NDUFC1: variants seen among roughly 807,000 people sequenced by gnomAD.
NDUFC1 encodes NADH dehydrogenase [ubiquinone] 1 subunit C1, mitochondrial.
Under a neutral mutation model 11.6 loss-of-function variants are expected in NDUFC1, and 11 were observed. The ratio of observed to expected loss-of-function variants is 0.95; its 90% CI spans 0.60 to 1.58. The LOEUF is 1.58. Ranked by LOEUF, NDUFC1 falls within the 40% of genes most tolerant of loss-of-function variation. The pLI, the probability that NDUFC1 is intolerant of heterozygous loss-of-function variation, is 0.00. For missense variants in NDUFC1, 112 were observed against 93.0 expected (o/e 1.20, Z -0.84); for synonymous variants, 52 against 42.2 (o/e 1.23, Z -0.90).
At chr4:139,299,491 C>T (rs1745613619) in intron 1 of NDUFC1, among the ~76,000 whole-genome samples, 1 of 152,176 alleles carries the variant, frequency 6.6e-6, no homozygotes, top group Admixed American at 6.5e-5. Flanking sequence ...AATTAACTAT[C>T]ATCAGCAGCA....
At chr4:139,294,961 A>T (rs1194942224) in intron 4 of NDUFC1, 82 bp downstream of exon 4, 3 of 992,236 alleles carry the variant, frequency 3.0e-6, no homozygotes, top group Non-Finnish European at 4.8e-6. Context: ...AACATATAAC[A>T]GCACCATTCA....
chr4:139,301,940 GC>G, intron 1 of NDUFC1: 1 of 1,187,472 alleles, frequency 8.4e-7, no homozygotes, highest in Non-Finnish European at 1.2e-6. Context: ...CCGGGACCCC[GC>G]CTTCATAGCT....
rs754569446 is a variant in NDUFC1 at position 139,295,076 on chromosome 4, G to A, written c.138C>T (p.Phe46=). 6.2e-7 allele frequency: 1 copy of A among 1,614,146 alleles called. No individual in the cohort carries two copies. Among genetic ancestry groups the A allele is most frequent in the Admixed American group, 1.7e-5 (1 of 60,010 alleles). Residue 46 remains phenylalanine, a synonymous_variant, in exon 4 of 6, where the codon TTC becomes TTT. Coordinates refer to ENST00000394223, the MANE Select transcript of NDUFC1 (RefSeq NM_001184989.2). ...NAKPDWLKVG[F]TLGTTVFLWI... ...ACAAGAAGACAGTGGTGCCCAAGGT[G>A]AACCCAACTTTCAGCCAGTCAGGTT...
intron 1 of NDUFC1, chr4:139,300,514 A>C (rs1745665203): frequency 6.6e-6 from 1 of 152,284 alleles, no homozygotes; most frequent in African/African-American, 2.4e-5. Context: ...CAAAGGTTAA[A>C]AGTGGCTCAT....
At chr4:139,298,677 CTT>C (rs35024958) in intron 1 of NDUFC1, among the ~76,000 whole-genome samples, 10 of 144,280 alleles carry the variant, frequency 6.9e-5, no homozygotes, top group African/African-American at 7.6e-5. Context: ...CTTTTATATT[CTT>C]TTTTTTTTTT....
Position 139,291,981 on chromosome 4 carries a change from C to T in NDUFC1, c.*20+549G>A, listed in dbSNP as rs144848999. Among the ~76,000 whole-genome samples, 1,023 of 151,722 alleles carry T rather than the reference C, an allele frequency of 6.7e-3. 9 individuals carry two copies. The highest frequency in any genetic ancestry group is 0.024 in the African/African-American group (983 of 41,450). On this transcript the variant is annotated intron_variant, in intron 5 of 5. Transcript: ENST00000394223. Reference sequence around the variant, plus strand: ...CCTCGCGAGTAGCTGAGACTACAGGCGCCCGCCACAACACCTGGCTAATTT... The same window carrying T: ...CCTCGCGAGTAGCTGAGACTACAGGTGCCCGCCACAACACCTGGCTAATTT...
At chr4:139,293,930 ATTTTTTTTTTTTT>A (rs775805536) in intron 4 of NDUFC1, among the ~76,000 whole-genome samples, 68 of 69,756 alleles carry the variant, frequency 9.7e-4, no homozygotes, top group African/African-American at 4.1e-3. Context: ...TGTGGTGTGA[ATTTTTTTTTTTTT>A]TTTTTTTTTT....
rs566282004 is a variant in NDUFC1 at position 139,301,552 on chromosome 4, G to A, written c.-222+864C>T. 9 of 578,746 alleles carry A rather than the reference G, an allele frequency of 1.6e-5. No homozygotes were observed. The South Asian group carries it at 1.7e-4, about 11-fold the overall frequency. 35.9% of individuals were successfully genotyped at this position (578,746 alleles called of 1,614,324 possible). On this transcript the variant is annotated intron_variant, in intron 1 of 5. Transcript: ENST00000394223. ...AGTTACCACGTGAACCGCCGACGGAGACCCGTAGTGGGGGAGGCGGCGGCA... is the reference window on the plus strand; with the variant it reads ...AGTTACCACGTGAACCGCCGACGGAAACCCGTAGTGGGGGAGGCGGCGGCA...
At chr4:139,291,466 T>C (rs1226778610) in intron 5 of NDUFC1, among the ~76,000 whole-genome samples, 1 of 151,894 alleles carries the variant, frequency 6.6e-6, no homozygotes, top group African/African-American at 2.4e-5. Flanking sequence ...TCCCAGCTAC[T>C]CGAGAGGCTG....
Position 139,295,745 on chromosome 4 carries a change from C to T in NDUFC1, c.54G>A (p.Arg18=). ...GAGGATACTCACGGCCGCTCGGGAG[C>T]CTGGCGGGGGCCAGCAGCCGGGAAA... The part of the protein sequence containing the change: ...RPLSRLLAPA[R]LPSGPSVRSK... Residue 18 remains arginine (R), a synonymous_variant, in exon 3 of 6, where the codon AGG becomes AGA. Transcript: ENST00000394223. 6.5e-7 allele frequency: 1 copy of T among 1,547,926 alleles called. No individual in the cohort carries two copies. Among genetic ancestry groups the T allele is most frequent in the Non-Finnish European group, 8.7e-7 (1 of 1,147,340 alleles).
rs765242883 is a variant in NDUFC1, at chr4:139,292,612, A to C, written c.172-3T>G. 2.0e-6 allele frequency: 3 copies of C among 1,536,966 alleles called. No individual in the cohort carries two copies. Among genetic ancestry groups the C allele is most frequent in the Non-Finnish European group, 2.7e-6 (3 of 1,121,548 alleles). The stretch of plus-strand genomic sequence containing the variant: ...TCTTCATTGTGTTGTTTGATGAGCT[A>C]CAAAGAGTTAAACAGTTAAAATTAG... On this transcript the variant is annotated splice_polypyrimidine_tract_variant and splice_region_variant and intron_variant, in intron 4 of 5. Coordinates refer to ENST00000394223, the MANE Select transcript of NDUFC1 (RefSeq NM_001184989.2).
intron 1 of NDUFC1, among the ~76,000 whole-genome samples, chr4:139,300,420 A>G (rs2110791280): frequency 6.6e-6 from 1 of 152,344 alleles, no homozygotes; most frequent in South Asian, 2.1e-4. Flanking sequence ...AAACAGTAAA[A>G]AACACGCACA....
intron 5 of NDUFC1, among the ~76,000 whole-genome samples, chr4:139,290,300 C>T (rs1007836083): frequency 6.7e-6 from 1 of 149,848 alleles, no homozygotes; most frequent in African/African-American, 2.5e-5. Context: ...ATTTCAATGC[C>T]TATTTCATTT....
At chr4:139,296,086 A>G (rs1745461795) in intron 2 of NDUFC1, 126 bp from the exon 3 acceptor site, 1 of 448,446 alleles carries the variant, frequency 2.2e-6, no homozygotes, top group East Asian at 4.4e-5. Flanking sequence ...ATTTTCCTAC[A>G]TGAGCCAGAA....
intron 1 of NDUFC1, chr4:139,301,796 C>A: frequency 6.3e-7 from 1 of 1,586,576 alleles, no homozygotes; most frequent in Non-Finnish European, 8.6e-7. Flanking sequence ...CGTGAGCCTC[C>A]CGCCCAAGGA....
rs758866983 is a variant in NDUFC1 at position 139,295,758 on chromosome 4, A to C, written c.41T>G (p.Leu14Arg). The change falls in exon 3 of 6, where the codon CTG (leucine) becomes CGG (arginine). Residue 14 changes from leucine to arginine, a missense_variant. Transcript: ENST00000394223. ...GCCGCTCGGGAGCCTGGCGGGGGCC[A>C]GCAGCCGGGAAAGGGGACGCAGCAA... The part of the protein sequence containing the change: ...SALLRPLSRL[L>R]APARLPSGPS... 3.2e-6 allele frequency: 5 copies of C among 1,553,060 alleles called. No individual in the cohort carries two copies. The highest frequency in any genetic ancestry group is 2.0e-5 in the Admixed American group (1 of 49,078).
In NDUFC1 at chr4:139,295,030, G is replaced by C; in HGVS notation, c.171+13C>G. On this transcript the variant is annotated intron_variant, in intron 4 of 5. Coordinates refer to ENST00000394223, the MANE Select transcript of NDUFC1 (RefSeq NM_001184989.2). ...TGGTGTAGTCTCACGACATCCGGGA[G>C]TAAAGTACTTACATAGATCCACAAG... The C allele has an allele frequency of 6.2e-7, 1 of 1,602,426 alleles. No homozygotes were observed.
intron 1 of NDUFC1, chr4:139,301,831 G>A (rs1745766846): frequency 1.9e-6 from 3 of 1,592,698 alleles, no homozygotes; most frequent in Admixed American, 1.7e-5. Context: ...AGCGGATCTT[G>A]GTAAGTGTGA....
At chr4:139,301,517 C>T (rs538885357) in intron 1 of NDUFC1, 11 of 468,968 alleles carry the variant, frequency 2.3e-5, no homozygotes, top group South Asian at 1.1e-4. Context: ...CTGCCTCTGT[C>T]GGTCTGTTCA....
Sources: allele counts gnomAD v4.1 joint callset (sites outside exome capture counted in the v4.1 genomes callset), GRCh38; gene constraint gnomAD v4.1.1; transcripts MANE v1.5; gene names NCBI Gene and HGNC (gene_info 2026-07-23, HGNC 2026-07-21).